Variants in CSMD1 observed in about 807,000 individuals in gnomAD.
The protein encoded by CSMD1 is CUB and Sushi multiple domains 1.
In CSMD1, 213 loss-of-function variants were observed where a neutral mutation model predicts 417.5. The observed-to-expected ratio is 0.51, with a 90% CI of 0.46 to 0.57. The LOEUF (loss-of-function observed/expected upper bound fraction) is 0.57, where lower values mean the gene tolerates loss of function less well. Ranked by LOEUF, CSMD1 falls within the 20% of genes least tolerant of loss-of-function variation. The probability of loss-of-function intolerance (pLI) is 0.00; values close to 1 mark genes in which losing one functional copy is unlikely to be tolerated. For synonymous variants in CSMD1, 2,862 were observed against 1,736.8 expected (o/e 1.65, Z -16.11); for missense variants, 6,923 against 4,529.7 (o/e 1.53, Z -15.17).
At chr8:3,966,568 T>G (rs1278110350) in intron 5 of CSMD1, among the ~76,000 whole-genome samples, 1 of 152,214 alleles carries the variant, frequency 6.6e-6, no homozygotes, top group African/African-American at 2.4e-5. Context: ...CAATTTCTTT[T>G]CTGTAAACAT....
chr8:4,322,979 C>T (rs181933445), intron 3 of CSMD1, among the ~76,000 whole-genome samples: 101 of 152,172 alleles, frequency 6.6e-4, no homozygotes, highest in African/African-American at 1.8e-3. Context: ...AGCGAGACTC[C>T]GTCTCAAAAA....
intron 5 of CSMD1, among the ~76,000 whole-genome samples, chr8:3,819,270 A>G (rs1470792416): frequency 6.6e-6 from 1 of 152,144 alleles, no homozygotes; most frequent in East Asian, 1.9e-4. Flanking sequence ...TTTCAGTTAT[A>G]AGGAACTTCT....
At chr8:4,430,389 C>G (rs1797806795) in intron 2 of CSMD1, among the ~76,000 whole-genome samples, 2 of 152,158 alleles carry the variant, frequency 1.3e-5, no homozygotes, top group African/African-American at 4.8e-5. Flanking sequence ...TCAAATATAT[C>G]ATTGTTTACC....
intron 26 of CSMD1, among the ~76,000 whole-genome samples, chr8:3,281,756 A>G (rs969872886): frequency 2.6e-5 from 4 of 152,092 alleles, no homozygotes; most frequent in Non-Finnish European, 4.4e-5. Context: ...CTACAGATGC[A>G]TTTTTCCAAA....
intron 3 of CSMD1, among the ~76,000 whole-genome samples, chr8:4,402,821 CTTTT>C (rs1396591610): frequency 6.0e-5 from 4 of 66,352 alleles, no homozygotes; most frequent in African/African-American, 1.1e-4. Flanking sequence ...TTTTTTTTTT[CTTTT>C]TTTTTTTTTT....
At chr8:3,953,331 T>C (rs183831258) in intron 5 of CSMD1, among the ~76,000 whole-genome samples, 182 of 152,346 alleles carry the variant, frequency 1.2e-3, no homozygotes, top group Non-Finnish European at 2.1e-3. Flanking sequence ...GCATATATTT[T>C]ACATAGTATG....
At chr8:4,688,440 C>G (rs1012997008) in intron 1 of CSMD1, among the ~76,000 whole-genome samples, 1 of 152,142 alleles carries the variant, frequency 6.6e-6, no homozygotes, top group Admixed American at 6.5e-5. Flanking sequence ...GGTGAGCCAT[C>G]TCCCCGGGTC....
chr8:3,822,432 AAAAGAACAATGCCAC>A (rs1312713371), intron 5 of CSMD1, among the ~76,000 whole-genome samples: 4 of 152,230 alleles, frequency 2.6e-5, no homozygotes, highest in Non-Finnish European at 4.4e-5. Flanking sequence ...AATATCTAGA[AAAAGAACAATGCCAC>A]AAAGAACAAT....
At chr8:4,727,705 G>A (rs897755297) in intron 1 of CSMD1, among the ~76,000 whole-genome samples, 1 of 151,946 alleles carries the variant, frequency 6.6e-6, no homozygotes, top group African/African-American at 2.4e-5. Flanking sequence ...GCAAATTCCT[G>A]TGTTCTGCCA....
chr8:3,925,589 G>A (rs1196908320), intron 5 of CSMD1, among the ~76,000 whole-genome samples: 3 of 152,214 alleles, frequency 2.0e-5, no homozygotes, highest in Middle Eastern at 6.8e-3. Context: ...GTGGAGACCA[G>A]TCTTTCCCCT....
At chr8:4,903,056 T>A (rs1437244343) in intron 1 of CSMD1, among the ~76,000 whole-genome samples, 3 of 151,238 alleles carry the variant, frequency 2.0e-5, no homozygotes, top group Non-Finnish European at 4.4e-5. Flanking sequence ...AATAATAAAC[T>A]TTGAATACTG....
intron 10 of CSMD1, among the ~76,000 whole-genome samples, chr8:3,539,240 C>T (rs1312157991): frequency 2.0e-5 from 3 of 152,142 alleles, no homozygotes. Flanking sequence ...TATCATTAAT[C>T]CTTCAGTCAC....
intron 5 of CSMD1, among the ~76,000 whole-genome samples, chr8:3,896,396 T>A (rs1807367743): frequency 6.6e-6 from 1 of 152,196 alleles, no homozygotes; most frequent in African/African-American, 2.4e-5. Context: ...ACAACAGTGA[T>A]TAATCTTCAC....
intron 2 of CSMD1, among the ~76,000 whole-genome samples, chr8:4,486,196 T>C (rs866508989): frequency 3.6e-3 from 32 of 8,784 alleles, no homozygotes; most frequent in Non-Finnish European, 5.1e-3. Flanking sequence ...TATATATATA[T>C]ATACATACAT....
intron 39 of CSMD1, among the ~76,000 whole-genome samples, chr8:3,153,471 G>T (rs529855644): frequency 6.6e-6 from 1 of 152,168 alleles, no homozygotes; most frequent in South Asian, 2.1e-4. Context: ...CCTCTCCTGG[G>T]GTGTGGATCA....
At chr8:3,771,119 C>T (rs1206535843) in intron 5 of CSMD1, among the ~76,000 whole-genome samples, 1 of 151,920 alleles carries the variant, frequency 6.6e-6, no homozygotes, top group Admixed American at 6.6e-5. Flanking sequence ...AAACTGTATC[C>T]AAATTGTGAA....
chr8:3,004,099 G>T (rs78602475), intron 52 of CSMD1, among the ~76,000 whole-genome samples: 2 of 151,948 alleles, frequency 1.3e-5, no homozygotes, highest in Non-Finnish European at 2.9e-5. Flanking sequence ...TTTTTTTAAA[G>T]AAATGAACGT....
At chr8:3,790,286 G>A (rs117499836) in intron 5 of CSMD1, among the ~76,000 whole-genome samples, 1,984 of 152,254 alleles carry the variant, frequency 0.013, 38 homozygotes, top group Non-Finnish European at 0.018. Flanking sequence ...AAAACAAGAT[G>A]AAGTAAGTCA....
chr8:3,312,500 T>A (rs1216107033), intron 23 of CSMD1, among the ~76,000 whole-genome samples: 2 of 152,172 alleles, frequency 1.3e-5, no homozygotes, highest in African/African-American at 4.8e-5. Context: ...ATTCTAGAGA[T>A]CAGTTTTCCA....
Sources: allele counts gnomAD v4.1 joint callset (sites outside exome capture counted in the v4.1 genomes callset), GRCh38; gene constraint gnomAD v4.1.1; transcripts MANE v1.5; gene names NCBI Gene and HGNC (gene_info 2026-07-23, HGNC 2026-07-21).